The following FHOD3 variants were observed in gnomAD, a reference collection of about 807,000 sequenced individuals.
The protein encoded by FHOD3 is FH1/FH2 domain-containing protein 3.
In FHOD3, 90 loss-of-function variants were observed where a neutral mutation model predicts 173.0. The observed-to-expected ratio is 0.52, with a 90% confidence interval of 0.44 to 0.62. The LOEUF (loss-of-function observed/expected upper bound fraction) is 0.62, where lower values mean the gene tolerates loss of function less well. Among genes scored for constraint, FHOD3 ranks in the 20% least tolerant of loss-of-function variants. The pLI is 0.00. For synonymous variants in FHOD3, 828 were observed against 823.0 expected (o/e 1.01, Z -0.10); for missense variants, 1,945 against 2,034.7 (o/e 0.96, Z 0.85).
chr18:36,390,936 T>G (rs1489020981), intron 3 of FHOD3, among the ~76,000 whole-genome samples: 1 of 152,262 alleles, frequency 6.6e-6, no homozygotes, highest in Admixed American at 6.5e-5. Context: ...TTTACCTGTA[T>G]GGACAGGTAT....
At chr18:36,601,844 T>C (rs567872895) in intron 7 of FHOD3, among the ~76,000 whole-genome samples, 1 of 152,292 alleles carries the variant, frequency 6.6e-6, no homozygotes, top group East Asian at 1.9e-4. Context: ...ATGTGCCTCT[T>C]TTTGGTCTTG....
At chr18:36,693,034 C>T in intron 16 of FHOD3, 175 bp from the exon 17 acceptor site, 1 of 635,698 alleles carries the variant, frequency 1.6e-6, no homozygotes, top group Admixed American at 2.9e-5. Context: ...GATTTTTAAT[C>T]ATTAGCATCT....
chr18:36,536,534 G>A (rs551822356), intron 5 of FHOD3, among the ~76,000 whole-genome samples: 2 of 152,330 alleles, frequency 1.3e-5, no homozygotes, highest in South Asian at 2.1e-4. Flanking sequence ...CCCTCTGCAG[G>A]TTTTCTGCAT....
intron 3 of FHOD3, among the ~76,000 whole-genome samples, chr18:36,494,590 C>T (rs777407696): frequency 5.7e-4 from 86 of 152,154 alleles, no homozygotes; most frequent in Middle Eastern, 3.2e-3. Flanking sequence ...TGTACTTAAC[C>T]TAAAAGTAAG....
At chr18:36,655,147 G>C (rs1195927610) in intron 13 of FHOD3, among the ~76,000 whole-genome samples, 1 of 149,682 alleles carries the variant, frequency 6.7e-6, no homozygotes, top group Non-Finnish European at 1.5e-5. Flanking sequence ...GTCTCTTCCA[G>C]GTCTACAGTT....
At chr18:36,681,259 T>C (rs1241407463) in intron 14 of FHOD3, among the ~76,000 whole-genome samples, 177 bp from the exon 15 acceptor site, 1 of 152,162 alleles carries the variant, frequency 6.6e-6, no homozygotes, top group East Asian at 1.9e-4. Flanking sequence ...ATGATACTTT[T>C]CCCCAATTTA....
At chr18:36,388,430 C>T (rs1187623374) in intron 3 of FHOD3, among the ~76,000 whole-genome samples, 1 of 152,200 alleles carries the variant, frequency 6.6e-6, no homozygotes, top group Non-Finnish European at 1.5e-5. Context: ...ACTGTCTGGG[C>T]CATAGCTAGC....
chr18:36,364,020 T>C (rs1303158206), intron 2 of FHOD3, among the ~76,000 whole-genome samples: 1 of 152,180 alleles, frequency 6.6e-6, no homozygotes, highest in African/African-American at 2.4e-5. Context: ...GTTGATTCCA[T>C]GATACTCTTA....
chr18:36,494,874 G>T (rs1215604821), intron 3 of FHOD3, among the ~76,000 whole-genome samples: 1 of 152,158 alleles, frequency 6.6e-6, no homozygotes, highest in Non-Finnish European at 1.5e-5. Flanking sequence ...GAAAGAGATA[G>T]AATTTCTGCT....
chr18:36,556,208 G>A (rs78474686), intron 5 of FHOD3, among the ~76,000 whole-genome samples: 10,699 of 152,084 alleles, frequency 0.07, 496 homozygotes, highest in South Asian at 0.2. Context: ...GGTTGCTTTA[G>A]GGTTTATAGT....
intron 5 of FHOD3, among the ~76,000 whole-genome samples, chr18:36,514,610 C>A (rs2055857568): frequency 6.6e-6 from 1 of 152,206 alleles, no homozygotes; most frequent in African/African-American, 2.4e-5. Flanking sequence ...AAGTGTACAT[C>A]ATTTTAACAT....
chr18:36,394,924 A>G (rs561247962), intron 3 of FHOD3, among the ~76,000 whole-genome samples: 1 of 152,354 alleles, frequency 6.6e-6, no homozygotes, highest in African/African-American at 2.4e-5. Context: ...TCATGAGAGC[A>G]TACTAATACT....
At chr18:36,765,541 A>G (rs536929652) in intron 27 of FHOD3, among the ~76,000 whole-genome samples, 30 of 152,364 alleles carry the variant, frequency 2.0e-4, no homozygotes, top group African/African-American at 7.2e-4. Context: ...TCTACAGTCA[A>G]GGACTTGAAA....
At chr18:36,537,434 C>G (rs74363729) in intron 5 of FHOD3, among the ~76,000 whole-genome samples, 1,887 of 152,214 alleles carry the variant, frequency 0.012, 41 homozygotes, top group African/African-American at 0.042. Context: ...GGGCACCCCC[C>G]TTGCCCAGGA....
chr18:36,327,092 C>T (rs1008376511), intron 1 of FHOD3, among the ~76,000 whole-genome samples: 2 of 152,180 alleles, frequency 1.3e-5, no homozygotes, highest in Non-Finnish European at 2.9e-5. Context: ...GATTTTCCTG[C>T]TAATTTAGGA....
chr18:36,562,907 TA>T (rs1599669002), intron 5 of FHOD3, among the ~76,000 whole-genome samples: 1 of 152,112 alleles, frequency 6.6e-6, no homozygotes, highest in East Asian at 1.9e-4. Context: ...GGCAGTGGTT[TA>T]AGGCTTTGCT....
chr18:36,410,628 A>C (rs1479345388), intron 3 of FHOD3, among the ~76,000 whole-genome samples: 1 of 151,990 alleles, frequency 6.6e-6, no homozygotes, highest in Admixed American at 6.6e-5. Flanking sequence ...TGAGATTTCC[A>C]GTTTTTCCAC....
chr18:36,544,045 A>G (rs557435280), intron 5 of FHOD3, among the ~76,000 whole-genome samples: 1 of 152,350 alleles, frequency 6.6e-6, no homozygotes, highest in East Asian at 1.9e-4. Context: ...GGCTTCTGGC[A>G]CAAGGTATGT....
At chr18:36,576,688 A>G (rs1369292729) in intron 6 of FHOD3, 143 bp downstream of exon 6, 1 of 531,276 alleles carries the variant, frequency 1.9e-6, no homozygotes, top group African/African-American at 2.0e-5. Flanking sequence ...CTACTCTACA[A>G]ATTTTAAGAT....
Sources: gnomAD v4.1 joint callset for allele counts (sites outside exome capture counted in the v4.1 genomes callset) on GRCh38, gnomAD v4.1.1 for gene constraint, MANE v1.5 for transcripts, NCBI Gene and HGNC (gene_info 2026-07-23, HGNC 2026-07-21) for gene names.